TIAM1: variants seen among roughly 807,000 people sequenced by gnomAD.
TIAM1 encodes the protein TIAM Rac1 associated GEF 1.
TIAM1 carries 65 observed loss-of-function variants against 163.5 expected under a neutral mutation model. The observed-to-expected ratio is 0.40, with a 90% CI of 0.33 to 0.49. The LOEUF (loss-of-function observed/expected upper bound fraction) is 0.49. Among genes scored for constraint, TIAM1 ranks in the 20% least tolerant of loss-of-function variants. The pLI is 0.77. For missense variants in TIAM1, 1,789 were observed against 2,044.7 expected, an observed-to-expected ratio of 0.87 and a Z score of 2.41; for synonymous variants, 833 against 810.1, an observed-to-expected ratio of 1.03 and a Z score of -0.48.
chr21:31,320,141 C>A (rs2075264928), intron 2 of TIAM1, among the ~76,000 whole-genome samples: 1 of 151,988 alleles, frequency 6.6e-6, no homozygotes, highest in South Asian at 2.1e-4. Context: ...ATATATATAT[C>A]ATCAACCCAA....
At chr21:31,364,453 C>G (rs2076465421) in intron 2 of TIAM1, among the ~76,000 whole-genome samples, 1 of 152,098 alleles carries the variant, frequency 6.6e-6, no homozygotes, top group African/African-American at 2.4e-5. Context: ...CAGAGGGAGC[C>G]AATGAATGAG....
chr21:31,438,179 C>CTTTTTTTTTTTTTTTTTTTTTTTTTTT (rs34844399), intron 2 of TIAM1, among the ~76,000 whole-genome samples: 1 of 62,688 alleles, frequency 1.6e-5, no homozygotes, highest in African/African-American at 7.0e-5. Context: ...TATTTGTGAT[C>CTTTTTTTTTTTTTTTTTTTTTTTTTTT]TTTTTTTTTT....
chr21:31,430,222 AAAAATATAT>A lies in TIAM1; in HGVS notation c.-369+33752_-369+33760del, dbSNP rs1400882133. Among the ~76,000 whole-genome samples, 620 of 101,860 alleles carry A rather than the reference AAAAATATAT, an allele frequency of 6.1e-3. 4 individuals are homozygous for A. The highest frequency in any genetic ancestry group is 0.022 in the African/African-American group (454 of 20,270). The allele number at this position is 101,860 out of a possible 152,430, so 66.8% of individuals were successfully genotyped here. On this transcript the variant is annotated intron_variant, in intron 2 of 28. Transcript: ENST00000286827. Reference sequence around the variant, plus strand: ...ACTCCATCTCAAAGAAAAAAAAAAAAAAAATATATATATATATATATATATACACACACA... The same window carrying A: ...ACTCCATCTCAAAGAAAAAAAAAAAAATATATATATATATATACACACACA...
chr21:31,181,701 T>C (rs1018956779), intron 15 of TIAM1, among the ~76,000 whole-genome samples: 1 of 140,078 alleles, frequency 7.1e-6, no homozygotes, highest in African/African-American at 2.6e-5. Flanking sequence ...GGAACAGAGG[T>C]AGGACTTAGT....
chr21:31,171,909 G>C (rs542136866), intron 15 of TIAM1, among the ~76,000 whole-genome samples: 1 of 152,288 alleles, frequency 6.6e-6, no homozygotes, highest in East Asian at 1.9e-4. Context: ...GTGGGAGTGA[G>C]TAAGGCCATC....
intron 2 of TIAM1, among the ~76,000 whole-genome samples, chr21:31,317,118 T>C (rs2075150165): frequency 6.6e-6 from 1 of 152,240 alleles, no homozygotes; most frequent in Non-Finnish European, 1.5e-5. Context: ...CCGTAAGCTC[T>C]GTCCTCTCCA....
chr21:31,388,135 C>T (rs1489206613), intron 2 of TIAM1, among the ~76,000 whole-genome samples: 2 of 151,446 alleles, frequency 1.3e-5, no homozygotes, highest in African/African-American at 4.9e-5. Context: ...GTCTGCAAAA[C>T]AACGAGCCAA....
At chr21:31,451,634 G>A (rs1327379651) in intron 2 of TIAM1, among the ~76,000 whole-genome samples, 1 of 151,476 alleles carries the variant, frequency 6.6e-6, no homozygotes, top group African/African-American at 2.4e-5. Context: ...GCAGAAATGT[G>A]GAAGTGAAGC....
intron 1 of TIAM1, among the ~76,000 whole-genome samples, chr21:31,478,467 C>T (rs1156880742): frequency 6.6e-6 from 1 of 152,210 alleles, no homozygotes; most frequent in Non-Finnish European, 1.5e-5. Context: ...GCCTACTTTT[C>T]ACAAAAGTCA....
intron 2 of TIAM1, among the ~76,000 whole-genome samples, chr21:31,394,722 TCTCTCTCACACACACA>T (rs1472148735): frequency 1.1e-4 from 13 of 120,822 alleles, no homozygotes; most frequent in Admixed American, 4.8e-4. Flanking sequence ...TCTCTCTCTC[TCTCTCTCACACACACA>T]CACACACACA....
chr21:31,142,504 G>C lies in TIAM1; in HGVS notation c.3476-1000C>G, dbSNP rs114271470. Among the ~76,000 whole-genome samples the C allele has an allele frequency of 1.0e-2, 1,405 of 141,058 alleles. 22 individuals carry two copies. Among genetic ancestry groups the C allele is most frequent in the African/African-American group, 0.035 (1,347 of 37,998 alleles). 92.5% of individuals were successfully genotyped at this position (141,058 alleles called of 152,430 possible). On this transcript the variant is annotated intron_variant, in intron 20 of 27. Coordinates refer to ENST00000541036, the MANE Select transcript of TIAM1 (RefSeq NM_001353694.2). Reference sequence around the variant, plus strand: ...AAAAAAAGCCAGGCTGGTGGCAGGCGCCCATAATCCCAGCTACTCAGGAGG... The same window carrying C: ...AAAAAAAGCCAGGCTGGTGGCAGGCCCCCATAATCCCAGCTACTCAGGAGG...
intron 2 of TIAM1, among the ~76,000 whole-genome samples, chr21:31,433,130 T>C (rs551558640): frequency 6.6e-6 from 1 of 152,180 alleles, no homozygotes; most frequent in Non-Finnish European, 1.5e-5. Flanking sequence ...AAATAACCAA[T>C]TGAAGCAATA....
intron 2 of TIAM1, among the ~76,000 whole-genome samples, chr21:31,336,160 G>A (rs187700884): frequency 1.4e-4 from 21 of 152,230 alleles, no homozygotes; most frequent in Non-Finnish European, 2.1e-4. Context: ...GGGAGCGTTC[G>A]GCCGGCCATC....
intron 1 of TIAM1, among the ~76,000 whole-genome samples, chr21:31,466,495 G>A (rs11700753): frequency 0.23 from 34,982 of 151,530 alleles, 4,212 homozygotes; most frequent in South Asian, 0.27. Context: ...GAAGGTGGGG[G>A]TGGGCTAACG....
chr21:31,245,236 A>C (rs2071433727), intron 6 of TIAM1, among the ~76,000 whole-genome samples: 1 of 152,146 alleles, frequency 6.6e-6, no homozygotes, highest in Non-Finnish European at 1.5e-5. Context: ...CAAGTTTCTC[A>C]CATCCAACTC....
chr21:31,164,287 G>C (rs1044313725), intron 16 of TIAM1, among the ~76,000 whole-genome samples: 2 of 152,020 alleles, frequency 1.3e-5, no homozygotes, highest in Non-Finnish European at 2.9e-5. Context: ...CTACTCGGGA[G>C]GCTGAGGCAG....
chr21:31,439,535 C>T (rs2044344828), intron 2 of TIAM1, among the ~76,000 whole-genome samples: 1 of 152,178 alleles, frequency 6.6e-6, no homozygotes, highest in Admixed American at 6.5e-5. Context: ...AGTAATTCAC[C>T]CGCGTTGGCC....
At chr21:31,476,647 A>G (rs1446473421) in intron 1 of TIAM1, among the ~76,000 whole-genome samples, 4 of 152,192 alleles carry the variant, frequency 2.6e-5, no homozygotes, top group African/African-American at 4.8e-5. Flanking sequence ...TGGGTGTCAG[A>G]TGCTTTTGCA....
At position 31,153,125 on chromosome 21, in the gene TIAM1, A is replaced by G. The variant is rs2083455925; in HGVS notation, c.3181T>C (p.Cys1061Arg). The G allele has an allele frequency of 6.2e-7, 1 of 1,609,880 alleles. No individual in the cohort carries two copies. Among genetic ancestry groups the G allele is most frequent in the South Asian group, 1.1e-5 (1 of 89,608 alleles). Residue 1061 changes from cysteine (C) to arginine (R), a missense_variant, in exon 18 of 28, where the codon TGT becomes CGT. By Grantham distance (180) the Cys-to-Arg change is radical. Coordinates refer to ENST00000541036, the MANE Select transcript of TIAM1 (RefSeq NM_001353694.2). ...TERTYVKDLN[C>R]LMERYLKPLQ... is the part of the protein sequence containing the mutation. ...GGCTTTAGGTATCTCTCCATAAGAC[A>G]GTTTAAATCCTAAGAATTGAAAAGA...
Sources: gnomAD v4.1 joint callset for allele counts (sites outside exome capture counted in the v4.1 genomes callset) on GRCh38, gnomAD v4.1.1 for gene constraint, MANE v1.5 for transcripts, NCBI Gene and HGNC (gene_info 2026-07-23, HGNC 2026-07-21) for gene names.